Variants in TBXA2R observed in about 807,000 individuals in gnomAD.
TBXA2R encodes prostanoid TP receptor.
In TBXA2R, 15 loss-of-function variants were observed where a neutral mutation model predicts 15.6. The observed-to-expected ratio is 0.96, with a 90% CI of 0.64 to 1.48. The LOEUF (loss-of-function observed/expected upper bound fraction) is 1.48, where lower values mean the gene tolerates loss of function less well. TBXA2R is among the 40% of genes most tolerant of loss of function. TBXA2R has a pLI of 0.00. For missense variants in TBXA2R, 506 were observed against 491.4 expected (o/e 1.03, Z -0.28); for synonymous variants, 280 against 241.2 (o/e 1.16, Z -1.49).
Position 3,594,954 on chromosome 19 carries a change from C to T in TBXA2R, c.*734G>A, listed in dbSNP as rs2032565551. 18 of 1,535,644 alleles carry T rather than the reference C, an allele frequency of 1.2e-5. No homozygotes were observed. The highest frequency in any genetic ancestry group is 1.5e-5 in the Non-Finnish European group (17 of 1,146,532). On this transcript the variant is annotated 3_prime_UTR_variant, in exon 3 of 3. Coordinates refer to ENST00000375190, the MANE Select transcript of TBXA2R (RefSeq NM_001060.6). ...GCAAGGCCGGGCGCAGTGGCTTACG[C>T]CTGTAATCCCAGCTGCTCGGGAGGC... is the stretch of plus-strand genomic sequence containing the variant.
At chr19:3,596,185 C>A (rs1429069810) in intron 2 of TBXA2R, among the ~76,000 whole-genome samples, 1 of 152,188 alleles carries the variant, frequency 6.6e-6, no homozygotes, top group Non-Finnish European at 1.5e-5. Context: ...GCTGCCACCA[C>A]ACCTGGCTAA....
chr19:3,596,231 T>G (rs1409549062), intron 2 of TBXA2R, among the ~76,000 whole-genome samples: 1 of 152,116 alleles, frequency 6.6e-6, no homozygotes, highest in African/African-American at 2.4e-5. Context: ...GGTTTCACCA[T>G]GTTGGCCAGG....
intron 2 of TBXA2R, chr19:3,598,136 G>A (rs2032637228): frequency 6.6e-6 from 1 of 152,222 alleles, no homozygotes; most frequent in Admixed American, 6.6e-5. Context: ...TCAGAGCCCA[G>A]AAGAGGTGCC....
intron 1 of TBXA2R, among the ~76,000 whole-genome samples, chr19:3,604,639 C>G (rs2032797058): frequency 6.6e-6 from 1 of 152,084 alleles, no homozygotes; most frequent in Non-Finnish European, 1.5e-5. Flanking sequence ...CCTGATCTGC[C>G]GTGGCCAGGC....
intron 2 of TBXA2R, among the ~76,000 whole-genome samples, chr19:3,599,424 G>A (rs2032669684): frequency 6.6e-6 from 1 of 151,944 alleles, no homozygotes; most frequent in Non-Finnish European, 1.5e-5. Context: ...CCGCCTCCTG[G>A]GTTCATGCCA....
rs1400274289 is a variant in TBXA2R at position 3,594,871 on chromosome 19, G to A, written c.*817C>T. On this transcript the variant is annotated 3_prime_UTR_variant, in exon 3 of 3. Transcript: ENST00000375190. ...CTGGACAGAGCCTTCCCTGTTGGAG[G>A]TTCAAAAGGAAGCAACTGTACCCCA... The A allele has an allele frequency of 5.9e-6, 9 of 1,536,786 alleles. No homozygotes were observed. The Admixed American group carries it at 1.4e-4, about 23-fold the overall frequency.
In TBXA2R at chr19:3,599,829, C is replaced by A; in HGVS notation, c.786+20G>T. The stretch of plus-strand genomic sequence containing the variant: ...GGTCCAGTCAGGAGGGTAGCAGGAC[C>A]CCGCAGAGCCCCTACTCACCAGAAG... On this transcript the variant is annotated intron_variant, in intron 2 of 2. Coordinates refer to ENST00000375190, the MANE Select transcript of TBXA2R (RefSeq NM_001060.6). 1 of 1,548,812 alleles carries A rather than the reference C, an allele frequency of 6.5e-7. No homozygotes were observed. The highest frequency in any genetic ancestry group is 1.2e-5 in the South Asian group (1 of 83,966).
chr19:3,605,185 C>T (rs1202077407), intron 1 of TBXA2R, among the ~76,000 whole-genome samples: 2 of 152,330 alleles, frequency 1.3e-5, no homozygotes, highest in South Asian at 2.1e-4. Flanking sequence ...CTAGTGGGGG[C>T]TCCCCAGGGA....
intron 1 of TBXA2R, among the ~76,000 whole-genome samples, chr19:3,605,953 CACAG>C (rs1459219104): frequency 6.7e-6 from 1 of 149,786 alleles, no homozygotes; most frequent in Non-Finnish European, 1.5e-5. Context: ...ATGTGACAGA[CACAG>C]ACAGAAAAAC....
intron 1 of TBXA2R, among the ~76,000 whole-genome samples, chr19:3,605,359 G>A (rs1444954194): frequency 6.6e-6 from 1 of 152,202 alleles, no homozygotes; most frequent in Non-Finnish European, 1.5e-5. Context: ...GACACAGCCA[G>A]ACACACACAG....
intron 1 of TBXA2R, among the ~76,000 whole-genome samples, chr19:3,603,259 G>C (rs560596117): frequency 6.6e-6 from 1 of 152,196 alleles, no homozygotes; most frequent in Non-Finnish European, 1.5e-5. Context: ...CCTTGGCTAC[G>C]CTGTATCCAG....
intron 2 of TBXA2R, among the ~76,000 whole-genome samples, chr19:3,599,491 G>C (rs1599872103): frequency 6.6e-6 from 1 of 152,102 alleles, no homozygotes. Context: ...CACCACGCCT[G>C]GCTAATTTTT....
At chr19:3,599,705 G>A in intron 2 of TBXA2R, 144 bp downstream of exon 2, 3 of 1,251,968 alleles carry the variant, frequency 2.4e-6, no homozygotes, top group South Asian at 2.6e-5. Context: ...GGCCTCAAGC[G>A]ATCCTCCCGC....
Position 3,600,498 on chromosome 19 carries a change from A to T in TBXA2R, c.137T>A (p.Leu46Gln). 2 of 1,612,756 alleles carry T rather than the reference A, an allele frequency of 1.2e-6. No individual in the cohort carries two copies. The highest frequency in any genetic ancestry group is 1.7e-6 in the Non-Finnish European group (2 of 1,179,546). The change falls in exon 2 of 3, where the codon CTG (leucine) becomes CAG (glutamine). Residue 46 changes from leucine to glutamine, a missense_variant. Transcript: ENST00000375190. ...VVGLASNLLA[L>Q]SVLAGARQGG... ...CTGCCGCGCGCCCGCCAGCACGCTC[A>T]GGGCCAGCAGGTTGGAGGCCAGGCC...
At chr19:3,602,788 G>GA (rs2032762740) in intron 1 of TBXA2R, among the ~76,000 whole-genome samples, 1 of 150,420 alleles carries the variant, frequency 6.6e-6, no homozygotes, top group South Asian at 2.1e-4. Context: ...AAAAAGAAAA[G>GA]AAAAGAGGGA....
rs1258351948 is a variant in TBXA2R, at chr19:3,595,143, C to T, written c.*545G>A. 1.6e-6 allele frequency: 1 copy of T among 641,762 alleles called. No individual in the cohort carries two copies. The allele number at this position is 641,762 out of a possible 1,614,324, so 39.8% of individuals were successfully genotyped here. ...CCTGTGATCCCAGCACTTTGGGAGG[C>T]TGAGGCTGGTGAATCACCTGAGGTC... On this transcript the variant is annotated 3_prime_UTR_variant, in exon 3 of 3. Transcript: ENST00000375190.
intron 2 of TBXA2R, among the ~76,000 whole-genome samples, chr19:3,597,046 T>A (rs2032617743): frequency 6.6e-6 from 1 of 151,184 alleles, no homozygotes; most frequent in Non-Finnish European, 1.5e-5. Flanking sequence ...TTCAAGCGAT[T>A]CTCCTGCCTC....
In TBXA2R at chr19:3,599,416, G is replaced by A. The variant is rs550663423; in HGVS notation, c.786+433C>T. ...GCAATCTCTGCTCACTGCAAGCTCC[G>A]CCTCCTGGGTTCATGCCATTCTCCT... On this transcript the variant is annotated intron_variant, in intron 2 of 2. Transcript: ENST00000375190. 2.4e-4 allele frequency among the ~76,000 whole-genome samples: 36 copies of A among 151,940 alleles called. No homozygotes were observed. The East Asian group carries it at 4.1e-3, about 17-fold the overall frequency.
chr19:3,595,146 A>G lies in TBXA2R; in HGVS notation c.*542T>C, dbSNP rs2032572136. The stretch of plus-strand genomic sequence containing the variant: ...GTGATCCCAGCACTTTGGGAGGCTG[A>G]GGCTGGTGAATCACCTGAGGTCAGG... On this transcript the variant is annotated 3_prime_UTR_variant, in exon 3 of 3. Transcript: ENST00000375190. 1 of 631,244 alleles carries G rather than the reference A, an allele frequency of 1.6e-6. No homozygotes were observed. The highest frequency in any genetic ancestry group is 3.0e-5 in the Admixed American group (1 of 33,628). 39.1% of individuals were successfully genotyped at this position (631,244 alleles called of 1,614,324 possible). A position where few individuals can be genotyped will look rare whatever the true frequency, so the allele number is the denominator to read the frequency against.
Sources: gnomAD v4.1 joint callset for allele counts (sites outside exome capture counted in the v4.1 genomes callset) on GRCh38, gnomAD v4.1.1 for gene constraint, MANE v1.5 for transcripts, NCBI Gene and HGNC (gene_info 2026-07-23, HGNC 2026-07-21) for gene names.